Variants in INPP5D observed in about 807,000 individuals in gnomAD.
INPP5D encodes inositol polyphosphate-5-phosphatase D, also known as phosphatidylinositol 3,4,5-trisphosphate 5-phosphatase 1.
Under a neutral mutation model 122.9 loss-of-function variants are expected in INPP5D, and 33 were observed. That is an observed-to-expected ratio of 0.27 (90% CI 0.20 to 0.36). The LOEUF is 0.36. INPP5D is among the 10% of genes least tolerant of loss of function. The pLI is 1.00. For missense variants in INPP5D, 1,053 were observed against 1,412.7 expected, an observed-to-expected ratio of 0.75 and a Z score of 4.08; for synonymous variants, 584 against 576.2, an observed-to-expected ratio of 1.01 and a Z score of -0.19.
chr2:233,099,259 G>C (rs4973608), intron 2 of INPP5D, among the ~76,000 whole-genome samples: 16,810 of 152,134 alleles, frequency 0.11, 1,060 homozygotes, highest in Admixed American at 0.16. Flanking sequence ...CCGAGACTTG[G>C]AACTTTAGAT....
chr2:233,121,509 CTTTTATTTTA>C (rs57378992), intron 2 of INPP5D, among the ~76,000 whole-genome samples: 60 of 147,352 alleles, frequency 4.1e-4, no homozygotes, highest in African/African-American at 1.0e-3. Flanking sequence ...TATAAAAATA[CTTTTATTTTA>C]TTTTATTTTA....
At chr2:233,163,990 C>A in intron 12 of INPP5D, 87 bp downstream of exon 12, 1 of 1,504,036 alleles carries the variant, frequency 6.6e-7, no homozygotes, top group South Asian at 1.3e-5. Context: ...TGGGCTCAGC[C>A]TATCAGCTCT....
rs573550640 is a variant in INPP5D, at chr2:233,146,407, G to T, written c.875G>T (p.Arg292Leu). ...CACGAGGGTCCTGAGTCTCCGCACC[G>T]GCCCTCCCTTATCCCTCCAGTCACC... ...LLHEGPESPH[R>L]PSLIPPVTFE... The change falls in exon 8 of 27, where the codon CGG becomes CTG. Residue 292 changes from arginine to leucine, a missense_variant. Arg to Leu is a moderately radical substitution (Grantham distance 102). This residue lies in a region of INPP5D where 196 missense variants were observed against 175.6 expected (regional missense o/e 1.12). Coordinates refer to ENST00000445964, the MANE Select transcript of INPP5D (RefSeq NM_001017915.3). The T allele has an allele frequency of 1.4e-6, 1 of 704,292 alleles. No individual in the cohort carries two copies. Among genetic ancestry groups the T allele is most frequent in the South Asian group, 1.5e-5 (1 of 67,608 alleles). 43.6% of individuals were successfully genotyped at this position (704,292 alleles called of 1,614,324 possible). A position where few individuals can be genotyped will look rare whatever the true frequency, so the allele number is the denominator to read the frequency against.
At position 233,203,983 on chromosome 2, in the gene INPP5D, A is replaced by C. The variant is rs1013658912; in HGVS notation, c.2976-143A>C. 3.8e-6 allele frequency: 5 copies of C among 1,319,274 alleles called. No homozygotes were observed. The African/African-American group carries it at 4.6e-5, about 12-fold the overall frequency. 81.7% of individuals were successfully genotyped at this position (1,319,274 alleles called of 1,614,324 possible). ...AAGACAAAACAATTTGGTGCCATTC[A>C]GTAAATTTGCAATGTTACATGTCTC... On this transcript the variant is annotated intron_variant, in intron 25 of 26. Transcript: ENST00000445964.
Position 233,060,417 on chromosome 2 carries a change from C to T in INPP5D, c.-62C>T. On this transcript the variant is annotated 5_prime_UTR_variant, in exon 1 of 27. Transcript: ENST00000445964. ...GTTGCAGTGGAGGGGCCTCCGCTCC[C>T]CTCGGTGGTGTGTGGGTCCTGGGGG... 1 of 1,519,816 alleles carries T rather than the reference C, an allele frequency of 6.6e-7. No homozygotes were observed. Among genetic ancestry groups the T allele is most frequent in the South Asian group, 1.2e-5 (1 of 82,298 alleles). The allele number at this position is 1,519,816 out of a possible 1,614,324, so 94.1% of individuals were successfully genotyped here. A position where few individuals can be genotyped will look rare whatever the true frequency, so the allele number is the denominator to read the frequency against.
chr2:233,139,756 C>T (rs911864648), intron 5 of INPP5D, 86 bp from the exon 6 acceptor site: 3 of 395,724 alleles, frequency 7.6e-6, no homozygotes, highest in Non-Finnish European at 1.3e-5. Flanking sequence ...AGGGTGCCCT[C>T]ATCTCTGGCT....
chr2:233,164,194 A>G lies in INPP5D; in HGVS notation c.1438-113A>G. 6.9e-7 allele frequency: 1 copy of G among 1,448,520 alleles called. No individual in the cohort carries two copies. Among genetic ancestry groups the G allele is most frequent in the South Asian group, 1.4e-5 (1 of 70,794 alleles). 89.7% of individuals were successfully genotyped at this position (1,448,520 alleles called of 1,614,324 possible). On this transcript the variant is annotated intron_variant, in intron 12 of 26. Coordinates refer to ENST00000445964, the MANE Select transcript of INPP5D (RefSeq NM_001017915.3). The surrounding 1 kb of genome is among the most constrained non-coding windows in gnomAD (Gnocchi z 4.3). ...GGGAGTCCCCCGAAGGGTTGGGATTACAGACAGGATACCCCATACCCAGGG... is the reference window on the plus strand; with the variant it reads ...GGGAGTCCCCCGAAGGGTTGGGATTGCAGACAGGATACCCCATACCCAGGG...
In INPP5D at chr2:233,189,989, A is replaced by G. The variant is rs976458312; in HGVS notation, c.2446+52A>G. ...CCTGCCTGTGAACTGGCGGCCTCTG[A>G]CGTAGCATTGCCTTCAGGGGAGCTC... On this transcript the variant is annotated intron_variant, in intron 22 of 26. Coordinates refer to ENST00000445964, the MANE Select transcript of INPP5D (RefSeq NM_001017915.3). This position sits in a 1 kb window ranked among gnomAD's most constrained non-coding sequence, Gnocchi z 5.6. 2.1e-4 allele frequency: 331 copies of G among 1,599,384 alleles called. No individual in the cohort carries two copies. The highest frequency in any genetic ancestry group is 2.8e-4 in the Non-Finnish European group (323 of 1,173,538).
At position 233,082,527 on chromosome 2, in the gene INPP5D, G is replaced by A. The variant is rs1438146555; in HGVS notation, c.198+3129G>A. Among the ~76,000 whole-genome samples, 1 of 152,162 alleles carries A rather than the reference G, an allele frequency of 6.6e-6. No individual in the cohort carries two copies. The highest frequency in any genetic ancestry group is 1.5e-5 in the Non-Finnish European group (1 of 68,032). Reference sequence around the variant, plus strand: ...ATTTTGCCAAGTGAAGCACCGAAAGGCTTTCATTGTTTCTTAGTTTAGTAA... The same window carrying A: ...ATTTTGCCAAGTGAAGCACCGAAAGACTTTCATTGTTTCTTAGTTTAGTAA... On this transcript the variant is annotated intron_variant, in intron 2 of 26. Transcript: ENST00000445964. The surrounding 1 kb of genome is among the most constrained non-coding windows in gnomAD (Gnocchi z 4.7).
At position 233,113,935 on chromosome 2, in the gene INPP5D, C is replaced by T. The variant is rs187071327; in HGVS notation, c.199-8172C>T. On this transcript the variant is annotated intron_variant, in intron 2 of 26. Coordinates refer to ENST00000445964, the MANE Select transcript of INPP5D (RefSeq NM_001017915.3). ...TTTTTTTTTTTTTTTGAGACGGAGT[C>T]TCGCTCTGTCGCCCAGGCTGGATGG... Among the ~76,000 whole-genome samples the T allele has an allele frequency of 1.1e-3, 152 of 132,758 alleles. No individual in the cohort carries two copies. In the East Asian group the frequency reaches 0.012, roughly 10 times the overall value. The allele number at this position is 132,758 out of a possible 152,430, so 87.1% of individuals were successfully genotyped here.
intron 2 of INPP5D, among the ~76,000 whole-genome samples, chr2:233,117,693 T>C (rs528285463): frequency 6.6e-6 from 1 of 152,304 alleles, no homozygotes; most frequent in African/African-American, 2.4e-5. Flanking sequence ...TTCCCCCGTT[T>C]AATGAGACAT....
chr2:233,113,587 T>C (rs561208218), intron 2 of INPP5D, among the ~76,000 whole-genome samples: 117 of 152,140 alleles, frequency 7.7e-4, no homozygotes, highest in African/African-American at 2.5e-3. Context: ...CCCAAATCTG[T>C]CCCCCAGCCC....
At chr2:233,065,147 G>A (rs1214883000) in intron 1 of INPP5D, among the ~76,000 whole-genome samples, 2 of 152,174 alleles carry the variant, frequency 1.3e-5, no homozygotes, top group Admixed American at 1.3e-4. Flanking sequence ...CGCAGAGCAA[G>A]CATGTTAAAA....
chr2:233,200,180 G>T (rs568764055), intron 25 of INPP5D, among the ~76,000 whole-genome samples: 1 of 152,328 alleles, frequency 6.6e-6, no homozygotes, highest in South Asian at 2.1e-4. Flanking sequence ...ATAGGAGACC[G>T]GGCTACGCAG....
chr2:233,122,536 C>T (rs1000629151), intron 3 of INPP5D, among the ~76,000 whole-genome samples: 6 of 152,222 alleles, frequency 3.9e-5, no homozygotes, highest in African/African-American at 1.4e-4. Context: ...GGCTTGCTGG[C>T]TCACGCCTGT....
chr2:233,200,961 A>AAAT (rs1695313908), intron 25 of INPP5D, among the ~76,000 whole-genome samples: 3 of 141,812 alleles, frequency 2.1e-5, no homozygotes, highest in African/African-American at 7.9e-5. Context: ...ACTCCATCTC[A>AAAT]AAATAAATAA....
intron 2 of INPP5D, among the ~76,000 whole-genome samples, chr2:233,081,633 G>GGGT (rs1264470216): frequency 6.6e-6 from 1 of 152,162 alleles, no homozygotes; most frequent in African/African-American, 2.4e-5. Flanking sequence ...ACTGGGCAGG[G>GGGT]GGTGGTGGTG....
chr2:233,065,627 C>T (rs1469225163), intron 1 of INPP5D, among the ~76,000 whole-genome samples: 7 of 7,286 alleles, frequency 9.6e-4, no homozygotes, highest in African/African-American at 4.5e-3. Flanking sequence ...TTCTTTCTTT[C>T]TTTCTTTCTT....
At position 233,206,276 on chromosome 2, in the gene INPP5D, TTTATA is replaced by T. The variant is rs1414719862; in HGVS notation, c.3568-427_3568-423del. Among the ~76,000 whole-genome samples the T allele has an allele frequency of 1.3e-5, 2 of 151,744 alleles. No homozygotes were observed. The highest frequency in any genetic ancestry group is 4.8e-5 in the African/African-American group (2 of 41,336). ...TTATCATCTATATAGAAATTATATA[TTTATA>T]TTTATGTATTTACATTGATATCCAT... is the stretch of plus-strand genomic sequence containing the variant. On this transcript the variant is annotated intron_variant, in intron 26 of 26. Transcript: ENST00000445964. This position sits in a 1 kb window ranked among gnomAD's most constrained non-coding sequence, Gnocchi z 4.0.
Sources: allele counts gnomAD v4.1 joint callset (sites outside exome capture counted in the v4.1 genomes callset), GRCh38; gene constraint gnomAD v4.1.1; regional missense constraint gnomAD v4.1.1; non-coding constraint Gnocchi (gnomAD v3.1); transcripts MANE v1.5; gene names NCBI Gene and HGNC (gene_info 2026-07-23, HGNC 2026-07-21).